Variants in LPP observed in about 807,000 individuals in gnomAD.
LPP encodes LIM domain containing preferred translocation partner in lipoma.
A neutral mutation model predicts 60.4 loss-of-function variants in LPP; 38 were observed. The ratio of observed to expected loss-of-function variants is 0.63; its 90% CI spans 0.49 to 0.83. The LOEUF is 0.83. Ranked by LOEUF, LPP falls within the 40% of genes least tolerant of loss-of-function variation. The pLI, the probability that LPP is intolerant of heterozygous loss-of-function variation, is 0.00. For missense variants in LPP, 902 were observed against 783.6 expected (o/e 1.15, Z -1.80); for synonymous variants, 328 against 290.8 (o/e 1.13, Z -1.30).
intron 7 of LPP, among the ~76,000 whole-genome samples, chr3:188,642,578 T>C (rs1281906870): frequency 6.6e-6 from 1 of 152,208 alleles, no homozygotes; most frequent in Non-Finnish European, 1.5e-5. Context: ...TGATGACATC[T>C]TTAACTCAAG....
At chr3:188,357,970 A>G (rs1278052092) in intron 3 of LPP, among the ~76,000 whole-genome samples, 2 of 152,188 alleles carry the variant, frequency 1.3e-5, no homozygotes, top group Non-Finnish European at 2.9e-5. Context: ...CTCAATAAAC[A>G]TTATGAATGG....
intron 3 of LPP, among the ~76,000 whole-genome samples, chr3:188,361,821 G>T (rs1421237726): frequency 6.6e-6 from 1 of 152,104 alleles, no homozygotes; most frequent in East Asian, 1.9e-4. Context: ...GCCCATTTTG[G>T]CTTCCCAAAG....
intron 7 of LPP, among the ~76,000 whole-genome samples, chr3:188,666,729 G>A (rs1024553846): frequency 4.6e-5 from 7 of 152,202 alleles, no homozygotes; most frequent in African/African-American, 1.4e-4. Flanking sequence ...CACACTGGAA[G>A]TCAGGAGTAA....
At chr3:188,554,680 C>A (rs1829045674) in intron 6 of LPP, among the ~76,000 whole-genome samples, 1 of 152,114 alleles carries the variant, frequency 6.6e-6, no homozygotes, top group Admixed American at 6.6e-5. Flanking sequence ...ACTTTGATTC[C>A]AAATCAACAA....
chr3:188,271,028 C>T (rs1244659284), intron 2 of LPP, among the ~76,000 whole-genome samples: 2 of 152,196 alleles, frequency 1.3e-5, no homozygotes, highest in East Asian at 1.9e-4. Flanking sequence ...TAATTTTGCC[C>T]GAGATTTTCC....
intron 6 of LPP, among the ~76,000 whole-genome samples, chr3:188,556,042 A>G (rs1164958057): frequency 6.6e-6 from 1 of 152,130 alleles, no homozygotes; most frequent in African/African-American, 2.4e-5. Context: ...GTGCTTCAAG[A>G]GTGAGTGTGT....
At chr3:188,745,350 T>A (rs926422194) in intron 8 of LPP, among the ~76,000 whole-genome samples, 3 of 152,184 alleles carry the variant, frequency 2.0e-5, no homozygotes, top group Admixed American at 1.3e-4. Flanking sequence ...TAAAGATTGA[T>A]AGGTGCTCTG....
intron 9 of LPP, among the ~76,000 whole-genome samples, chr3:188,783,095 A>G (rs1018186132): frequency 6.6e-6 from 1 of 152,062 alleles, no homozygotes; most frequent in Non-Finnish European, 1.5e-5. Context: ...CCCTGGCTCC[A>G]TGGATCATCC....
chr3:188,841,985 T>A (rs1760142699), intron 9 of LPP, among the ~76,000 whole-genome samples: 1 of 152,222 alleles, frequency 6.6e-6, no homozygotes, highest in South Asian at 2.1e-4. Context: ...TCGGGTCATC[T>A]GCAAACAGAG....
intron 2 of LPP, among the ~76,000 whole-genome samples, chr3:188,257,383 C>A (rs933376754): frequency 6.6e-5 from 10 of 152,114 alleles, no homozygotes; most frequent in African/African-American, 2.2e-4. Flanking sequence ...CCTCCTGAGG[C>A]CACCTTTCAG....
At chr3:188,665,459 T>C (rs1855568314) in intron 7 of LPP, among the ~76,000 whole-genome samples, 1 of 119,482 alleles carries the variant, frequency 8.4e-6, no homozygotes, top group Non-Finnish European at 1.7e-5. Flanking sequence ...TTCTTCTTCT[T>C]CTTTTTTTTT....
intron 2 of LPP, among the ~76,000 whole-genome samples, chr3:188,239,126 G>C (rs1722931252): frequency 6.6e-6 from 1 of 152,224 alleles, no homozygotes; most frequent in South Asian, 2.1e-4. Flanking sequence ...CTTTGAACAA[G>C]TCCAGTTGCC....
intron 1 of LPP, chr3:188,180,888 G>A (rs1724775600): frequency 6.6e-6 from 1 of 151,842 alleles, no homozygotes; most frequent in Admixed American, 6.6e-5. Context: ...ATTATAAATA[G>A]CACTGTGACG....
chr3:188,245,300 A>G (rs959322601), intron 2 of LPP, among the ~76,000 whole-genome samples: 2 of 152,088 alleles, frequency 1.3e-5, no homozygotes, highest in African/African-American at 4.8e-5. Flanking sequence ...TTTCATAGAG[A>G]CAGGGTTTCA....
In LPP at chr3:188,687,775, C is replaced by CTTTTTTTTTTTTTTTT. The variant is rs61574227; in HGVS notation, c.1114-20490_1114-20475dup. 9.4e-5 allele frequency among the ~76,000 whole-genome samples: 12 copies of CTTTTTTTTTTTTTTTT among 127,122 alleles called. 1 individual carries two copies. The highest frequency in any genetic ancestry group is 8.4e-5 in the Admixed American group (1 of 11,926). 83.4% of individuals were successfully genotyped at this position (127,122 alleles called of 152,430 possible). ...CCTGTCTAACCAGCTGTCTTATACT[C>CTTTTTTTTTTTTTTTT]TTTTTTTTTTTTTTTTTGAGATGAA... On this transcript the variant is annotated intron_variant, in intron 7 of 11. Coordinates refer to ENST00000617246, the MANE Select transcript of LPP (RefSeq NM_001375462.1).
At chr3:188,593,240 C>T (rs1404156620) in intron 6 of LPP, among the ~76,000 whole-genome samples, 7 of 150,608 alleles carry the variant, frequency 4.6e-5, no homozygotes, top group Non-Finnish European at 7.4e-5. Flanking sequence ...AGCTGATCTG[C>T]TTATCATGTT....
At chr3:188,639,112 A>T (rs1469669049) in intron 7 of LPP, among the ~76,000 whole-genome samples, 1 of 152,118 alleles carries the variant, frequency 6.6e-6, no homozygotes, top group Non-Finnish European at 1.5e-5. Context: ...CTGACTTCAA[A>T]CTATACTACA....
intron 4 of LPP, among the ~76,000 whole-genome samples, chr3:188,471,464 GA>G (rs1801822030): frequency 6.6e-6 from 1 of 152,200 alleles, no homozygotes; most frequent in Non-Finnish European, 1.5e-5. Context: ...AAATGAATTA[GA>G]AAAATTTGGT....
chr3:188,407,770 T>A (rs1783885724), intron 4 of LPP, among the ~76,000 whole-genome samples: 1 of 36,922 alleles, frequency 2.7e-5, no homozygotes, highest in South Asian at 2.9e-3. Flanking sequence ...CATTTATGGT[T>A]TTTTTTTTTG....
Sources: allele counts gnomAD v4.1 joint callset (sites outside exome capture counted in the v4.1 genomes callset), GRCh38; gene constraint gnomAD v4.1.1; transcripts MANE v1.5; gene names NCBI Gene and HGNC (gene_info 2026-07-23, HGNC 2026-07-21).